Variants in LRRTM4 observed in about 807,000 individuals in gnomAD.
LRRTM4 encodes the protein leucine rich repeat transmembrane neuronal 4.
In LRRTM4, 25 loss-of-function variants were observed where a neutral mutation model predicts 47.6. The observed-to-expected ratio is 0.53, with a 90% CI of 0.38 to 0.73. The LOEUF is 0.73. Among genes scored for constraint, LRRTM4 ranks in the 30% least tolerant of loss-of-function variants. The probability of loss-of-function intolerance (pLI) is 0.00; values close to 1 mark genes in which losing one functional copy is unlikely to be tolerated. For synonymous variants in LRRTM4, 311 were observed against 269.5 expected, an observed-to-expected ratio of 1.15 and a Z score of -1.51; for missense variants, 638 against 713.4, an observed-to-expected ratio of 0.89 and a Z score of 1.20.
intron 3 of LRRTM4, among the ~76,000 whole-genome samples, chr2:77,487,780 C>T (rs1166466809): frequency 6.6e-6 from 1 of 152,160 alleles, no homozygotes; most frequent in African/African-American, 2.4e-5. Context: ...CCTATGGCCA[C>T]CCATGGACCA....
intron 3 of LRRTM4, among the ~76,000 whole-genome samples, chr2:77,256,301 G>A (rs574768519): frequency 6.6e-6 from 1 of 152,098 alleles, no homozygotes; most frequent in African/African-American, 2.4e-5. Context: ...TAAATCTCCA[G>A]TCTAGAATGG....
chr2:77,398,885 C>T (rs1282451693), intron 3 of LRRTM4, among the ~76,000 whole-genome samples: 2 of 151,798 alleles, frequency 1.3e-5, no homozygotes, highest in African/African-American at 4.8e-5. Flanking sequence ...ATTCATGGCC[C>T]ATCCCACAGG....
intron 3 of LRRTM4, among the ~76,000 whole-genome samples, chr2:77,280,162 A>G (rs1321597388): frequency 1.3e-5 from 2 of 151,986 alleles, no homozygotes; most frequent in Non-Finnish European, 2.9e-5. Flanking sequence ...TATGGAAGAA[A>G]AGCAGAGAGA....
At chr2:77,232,545 G>A (rs753402882) in intron 3 of LRRTM4, among the ~76,000 whole-genome samples, 1 of 152,124 alleles carries the variant, frequency 6.6e-6, no homozygotes, top group Non-Finnish European at 1.5e-5. Flanking sequence ...TCTTCCACAG[G>A]CACCTAAGTC....
intron 3 of LRRTM4, among the ~76,000 whole-genome samples, chr2:77,079,289 A>T (rs1170316067): frequency 2.0e-5 from 3 of 152,200 alleles, no homozygotes; most frequent in Non-Finnish European, 4.4e-5. Context: ...CTTGCGTGGG[A>T]ATTGGCAAAC....
chr2:76,822,400 T>G (rs1212236300), intron 3 of LRRTM4, among the ~76,000 whole-genome samples: 1 of 151,346 alleles, frequency 6.6e-6, no homozygotes, highest in African/African-American at 2.4e-5. Flanking sequence ...GTATTAGCTA[T>G]CAAAAAGAGG....
At chr2:76,974,213 CATATATAT>C (rs1283439856) in intron 3 of LRRTM4, among the ~76,000 whole-genome samples, 1 of 126,436 alleles carries the variant, frequency 7.9e-6, no homozygotes, top group African/African-American at 3.5e-5. Flanking sequence ...TATATATACA[CATATATAT>C]ACATACATAT....
chr2:76,807,958 TC>T, intron 3 of LRRTM4, among the ~76,000 whole-genome samples: 1 of 151,518 alleles, frequency 6.6e-6, no homozygotes, highest in East Asian at 1.9e-4. Context: ...TCTTTCTTTT[TC>T]TTTTTCTTTC....
At chr2:76,803,247 T>C (rs1033127538) in intron 3 of LRRTM4, among the ~76,000 whole-genome samples, 1 of 151,942 alleles carries the variant, frequency 6.6e-6, no homozygotes, top group Admixed American at 6.6e-5. Context: ...AACCACTCAA[T>C]AGCAAAAAAC....
chr2:77,064,418 A>G (rs547167885), intron 3 of LRRTM4, among the ~76,000 whole-genome samples: 1 of 152,326 alleles, frequency 6.6e-6, no homozygotes, highest in South Asian at 2.1e-4. Context: ...TGGTATCTTA[A>G]TAACTTAATT....
chr2:77,282,116 T>G (rs1435215006), intron 3 of LRRTM4, among the ~76,000 whole-genome samples: 1 of 151,924 alleles, frequency 6.6e-6, no homozygotes, highest in Non-Finnish European at 1.5e-5. Flanking sequence ...TTATTTCTTT[T>G]AAGAGTGTCT....
intron 3 of LRRTM4, among the ~76,000 whole-genome samples, chr2:77,439,173 A>G (rs1404949100): frequency 1.3e-5 from 2 of 152,224 alleles, no homozygotes; most frequent in African/African-American, 2.4e-5. Context: ...TTCTGCACCT[A>G]TAAAAGAAGA....
At chr2:76,841,759 A>G (rs953267781) in intron 3 of LRRTM4, among the ~76,000 whole-genome samples, 1 of 152,010 alleles carries the variant, frequency 6.6e-6, no homozygotes, top group East Asian at 1.9e-4. Flanking sequence ...AAAGTATATA[A>G]AAATGAAAGA....
At chr2:77,038,001 C>A (rs1169553146) in intron 3 of LRRTM4, among the ~76,000 whole-genome samples, 4 of 151,590 alleles carry the variant, frequency 2.6e-5, no homozygotes, top group African/African-American at 9.7e-5. Context: ...TTACACAGAG[C>A]CTTGTGTTCC....
intron 3 of LRRTM4, among the ~76,000 whole-genome samples, chr2:77,163,233 T>A (rs1672782279): frequency 6.6e-6 from 1 of 151,952 alleles, no homozygotes; most frequent in Admixed American, 6.6e-5. Context: ...AATCAGTGAC[T>A]GAAGATGGAA....
intron 3 of LRRTM4, among the ~76,000 whole-genome samples, chr2:77,125,360 A>G (rs747706818): frequency 1.3e-5 from 2 of 152,200 alleles, no homozygotes; most frequent in Non-Finnish European, 2.9e-5. Flanking sequence ...CATCACAGAT[A>G]GAGGTGCACA....
chr2:77,224,914 C>T (rs6547132), intron 3 of LRRTM4, among the ~76,000 whole-genome samples: 7,673 of 152,084 alleles, frequency 0.05, 634 homozygotes, highest in African/African-American at 0.17. Flanking sequence ...CACATGCACA[C>T]GTATGTTTGT....
chr2:77,305,975 C>A (rs970557166), intron 3 of LRRTM4, among the ~76,000 whole-genome samples: 1 of 151,960 alleles, frequency 6.6e-6, no homozygotes, highest in South Asian at 2.1e-4. Flanking sequence ...ATTTTGCAAC[C>A]CACACTTCAC....
chr2:77,162,367 C>A (rs1672754295), intron 3 of LRRTM4, among the ~76,000 whole-genome samples: 1 of 152,146 alleles, frequency 6.6e-6, no homozygotes, highest in Non-Finnish European at 1.5e-5. Flanking sequence ...GGAGGCCTGC[C>A]CTACTTCTGT....
Sources: allele counts gnomAD v4.1 joint callset (sites outside exome capture counted in the v4.1 genomes callset), GRCh38; gene constraint gnomAD v4.1.1; transcripts MANE v1.5; gene names NCBI Gene and HGNC (gene_info 2026-07-23, HGNC 2026-07-21).